TRPM6: variants seen among roughly 807,000 people sequenced by gnomAD.
TRPM6 encodes the protein channel kinase 2.
Under a neutral mutation model 247.6 loss-of-function variants are expected in TRPM6, and 111 were observed. The ratio of observed to expected loss-of-function variants is 0.45; its 90% CI spans 0.38 to 0.52. The LOEUF (loss-of-function observed/expected upper bound fraction) is 0.52. TRPM6 is among the 20% of genes least tolerant of loss of function. TRPM6 has a pLI of 0.00. For synonymous variants in TRPM6, 892 were observed against 853.8 expected (o/e 1.04, Z -0.78); for missense variants, 2,126 against 2,421.5 (o/e 0.88, Z 2.56).
chr9:74,824,535 AAAAAAAAAAAAT>A (rs1177855713), intron 7 of TRPM6, among the ~76,000 whole-genome samples: 2 of 139,262 alleles, frequency 1.4e-5, no homozygotes, highest in African/African-American at 6.1e-5. Context: ...AAAAAAAAAA[AAAAAAAAAAAAT>A]CTTACTGATA....
Position 74,887,861 on chromosome 9 carries a change from G to T in TRPM6, c.-5C>A. 6.2e-7 allele frequency: 1 copy of T among 1,614,040 alleles called. No homozygotes were observed. On this transcript the variant is annotated 5_prime_UTR_variant, in exon 1 of 39. Transcript: ENST00000360774. ...CAAGACAGGTTGTTCTTTCATCTTT[G>T]ATTTGCAGGCCCTGCTCCCAAAGCC...
chr9:74,761,892 G>A, intron 26 of TRPM6, 84 bp from the exon 27 acceptor site: 3 of 1,501,058 alleles, frequency 2.0e-6, no homozygotes, highest in Non-Finnish European at 2.8e-6. Context: ...AGAGAATGGG[G>A]AGAATGACAA....
At position 74,821,841 on chromosome 9, in the gene TRPM6, T is replaced by C; in HGVS notation, c.842-4A>G. The stretch of plus-strand genomic sequence containing the variant: ...ACCGGCACGCCTTGTCTTGAGCCTA[T>C]TCCAGACCACAAACAATACCACACT... On this transcript the variant is annotated splice_polypyrimidine_tract_variant and splice_region_variant and intron_variant, in intron 7 of 38. Transcript: ENST00000360774. 1.2e-6 allele frequency: 2 copies of C among 1,614,080 alleles called. No individual in the cohort carries two copies. Among genetic ancestry groups the C allele is most frequent in the Non-Finnish European group, 1.7e-6 (2 of 1,179,994 alleles).
At chr9:74,773,192 T>C (rs1398304816) in intron 24 of TRPM6, among the ~76,000 whole-genome samples, 1 of 152,192 alleles carries the variant, frequency 6.6e-6, no homozygotes, top group East Asian at 1.9e-4. Flanking sequence ...TCTTATTTCT[T>C]CTATCAAAGT....
At chr9:74,852,812 G>C (rs1830379660) in intron 3 of TRPM6, among the ~76,000 whole-genome samples, 1 of 152,182 alleles carries the variant, frequency 6.6e-6, no homozygotes, top group Non-Finnish European at 1.5e-5. Context: ...GCCCAGGCTG[G>C]AGTGCAGTGG....
intron 18 of TRPM6, 21 bp from the exon 19 acceptor site, chr9:74,792,791 C>A (rs2118975315): frequency 3.1e-6 from 5 of 1,608,208 alleles, no homozygotes; most frequent in Non-Finnish European, 4.3e-6. Flanking sequence ...AACAAATAAT[C>A]ATTTTCTTGT....
At chr9:74,879,759 C>G (rs948475100) in intron 1 of TRPM6, among the ~76,000 whole-genome samples, 1 of 152,180 alleles carries the variant, frequency 6.6e-6, no homozygotes, top group African/African-American at 2.4e-5. Flanking sequence ...ACCCTTCCCC[C>G]ATACCTAGCC....
chr9:74,811,872 A>G (rs1828741418), intron 12 of TRPM6, among the ~76,000 whole-genome samples: 1 of 152,220 alleles, frequency 6.6e-6, no homozygotes, highest in Non-Finnish European at 1.5e-5. Flanking sequence ...ACGTTTTATT[A>G]GAAGGAAAGA....
At chr9:74,772,457 C>T (rs34407718) in intron 24 of TRPM6, among the ~76,000 whole-genome samples, 16,439 of 152,238 alleles carry the variant, frequency 0.11, 987 homozygotes, top group South Asian at 0.23. Context: ...CTTCTTTTCT[C>T]TCTGCCAACA....
intron 29 of TRPM6, among the ~76,000 whole-genome samples, chr9:74,751,878 G>T (rs934090974): frequency 6.6e-6 from 1 of 152,156 alleles, no homozygotes; most frequent in Admixed American, 6.5e-5. Flanking sequence ...AGATTGGGCT[G>T]AAATCTGTCT....
intron 12 of TRPM6, 37 bp from the exon 13 acceptor site, chr9:74,810,905 A>T: frequency 6.4e-7 from 1 of 1,561,336 alleles, no homozygotes; most frequent in Non-Finnish European, 8.8e-7. Flanking sequence ...TATTCTCTTT[A>T]ATTACCATGT....
At chr9:74,785,244 T>A (rs1827603337) in intron 21 of TRPM6, among the ~76,000 whole-genome samples, 1 of 152,134 alleles carries the variant, frequency 6.6e-6, no homozygotes. Context: ...GATGGGAGGA[T>A]CCCTTGAGCC....
intron 25 of TRPM6, among the ~76,000 whole-genome samples, chr9:74,768,668 T>C (rs1826909624): frequency 6.6e-6 from 1 of 152,248 alleles, no homozygotes; most frequent in African/African-American, 2.4e-5. Flanking sequence ...TTGTTCTTTC[T>C]AAATGTCATA....
intron 19 of TRPM6, among the ~76,000 whole-genome samples, chr9:74,789,294 TTCAGCAC>T (rs144470770): frequency 0.023 from 3,465 of 152,260 alleles, 121 homozygotes; most frequent in African/African-American, 0.078. Context: ...TATTTATATC[TTCAGCAC>T]TCAGCACTCA....
chr9:74,816,325 T>C (rs1205354937), intron 11 of TRPM6, among the ~76,000 whole-genome samples: 1 of 152,126 alleles, frequency 6.6e-6, no homozygotes, highest in Admixed American at 6.5e-5. Flanking sequence ...GCTATGATCA[T>C]ACCATTGCAT....
At chr9:74,791,732 T>A (rs1827904828) in intron 19 of TRPM6, among the ~76,000 whole-genome samples, 1 of 152,170 alleles carries the variant, frequency 6.6e-6, no homozygotes, top group South Asian at 2.1e-4. Flanking sequence ...AACACATTCC[T>A]ACAAACAAAA....
At chr9:74,784,562 T>C (rs1259610980) in intron 21 of TRPM6, among the ~76,000 whole-genome samples, 1 of 152,006 alleles carries the variant, frequency 6.6e-6, no homozygotes, top group African/African-American at 2.4e-5. Flanking sequence ...AGTCAGTGAG[T>C]GATACAAGAA....
intron 25 of TRPM6, 120 bp from the exon 26 acceptor site, chr9:74,763,254 G>A: frequency 1.0e-6 from 1 of 979,242 alleles, no homozygotes; most frequent in Non-Finnish European, 1.6e-6. Context: ...CCTAGGTTAA[G>A]TCTGTCTTTT....
At chr9:74,772,082 G>T (rs1400703028) in intron 24 of TRPM6, among the ~76,000 whole-genome samples, 1 of 152,150 alleles carries the variant, frequency 6.6e-6, no homozygotes, top group Admixed American at 6.5e-5. Flanking sequence ...TTGAGCTCAG[G>T]AATTAGAAAC....
Sources: allele counts gnomAD v4.1 joint callset (sites outside exome capture counted in the v4.1 genomes callset), GRCh38; gene constraint gnomAD v4.1.1; transcripts MANE v1.5; gene names NCBI Gene and HGNC (gene_info 2026-07-23, HGNC 2026-07-21).